The following ABCC1 variants were observed in gnomAD, a reference collection of about 807,000 sequenced individuals.
ABCC1 encodes ATP binding cassette subfamily C member 1 (ABCC1 blood group).
In ABCC1, 83 loss-of-function variants were observed where a neutral mutation model predicts 172.9. That is an observed-to-expected ratio of 0.48 (90% CI 0.40 to 0.58). The LOEUF (loss-of-function observed/expected upper bound fraction) is 0.58, where lower values mean the gene tolerates loss of function less well. Ranked by LOEUF, ABCC1 falls within the 20% of genes least tolerant of loss-of-function variation. ABCC1 has a pLI of 0.00. For synonymous variants in ABCC1, 937 were observed against 825.2 expected, an observed-to-expected ratio of 1.14 and a Z score of -2.32; for missense variants, 1,817 against 2,002.7, an observed-to-expected ratio of 0.91 and a Z score of 1.77.
At chr16:16,032,339 T>C (rs1363955456) in intron 5 of ABCC1, among the ~76,000 whole-genome samples, 1 of 152,160 alleles carries the variant, frequency 6.6e-6, no homozygotes, top group Non-Finnish European at 1.5e-5. Flanking sequence ...AGGATGAAGA[T>C]TAAATAAGGT....
At position 16,016,616 on chromosome 16, in the gene ABCC1, G is replaced by A. The variant is rs749904367; in HGVS notation, c.610G>A (p.Asp204Asn). Residue 204 changes from aspartate (D) to asparagine (N), a missense_variant, in exon 5 of 31, where the codon GAC (aspartate) becomes AAC (asparagine). Coordinates refer to ENST00000399410, the MANE Select transcript of ABCC1 (RefSeq NM_004996.4). ...RSPLFSETIH[D>N]PNPCPESSAS... ...ACCCCTGTTCTCGGAAACCATCCACGACCCTGTAAGTGTGACCACAGATGA... is the reference window on the plus strand; with the variant it reads ...ACCCCTGTTCTCGGAAACCATCCACAACCCTGTAAGTGTGACCACAGATGA... 2 of 1,614,096 alleles carry A rather than the reference G, an allele frequency of 1.2e-6. No homozygotes were observed. Among genetic ancestry groups the A allele is most frequent in the South Asian group, 2.2e-5 (2 of 91,080 alleles).
Position 16,069,596 on chromosome 16 carries a change from G to A in ABCC1, c.1824+1294G>A, listed in dbSNP as rs9938317. 5.3e-3 allele frequency among the ~76,000 whole-genome samples: 799 copies of A among 151,894 alleles called. 8 individuals are homozygous for A. The highest frequency in any genetic ancestry group is 0.019 in the African/African-American group (767 of 41,400). ...TTTTAACTACATAGGCAAATCAACC[G>A]TAAAATTTGGTAGTACAAGGCTGAT... On this transcript the variant is annotated intron_variant, in intron 13 of 30. Transcript: ENST00000399410.
chr16:16,071,792 C>T, intron 14 of ABCC1, 63 bp downstream of exon 14: 1 of 1,432,302 alleles, frequency 7.0e-7, no homozygotes, highest in Non-Finnish European at 9.7e-7. Flanking sequence ...ACTGGGTCCT[C>T]CCTACTTGCA....
chr16:16,071,868 A>G, intron 14 of ABCC1, 139 bp downstream of exon 14: 1 of 755,808 alleles, frequency 1.3e-6, no homozygotes, highest in Admixed American at 2.3e-5. Context: ...ACCCCGGGGG[A>G]CAAGGGTTCT....
intron 23 of ABCC1, among the ~76,000 whole-genome samples, chr16:16,118,444 T>TC (rs59904717): frequency 1.1e-4 from 15 of 132,664 alleles, no homozygotes; most frequent in Non-Finnish European, 2.1e-4. Flanking sequence ...TTTTTTTTTT[T>TC]CCCCTGCATT....
chr16:16,098,284 T>G (rs905734363), intron 19 of ABCC1: 3 of 158,594 alleles, frequency 1.9e-5, no homozygotes, highest in Non-Finnish European at 4.2e-5. Flanking sequence ...GACTGAAGGT[T>G]GGTCTGCATT....
chr16:16,015,995 TC>T (rs2047978855), intron 4 of ABCC1, among the ~76,000 whole-genome samples: 1 of 151,922 alleles, frequency 6.6e-6, no homozygotes, highest in African/African-American at 2.4e-5. Flanking sequence ...AGCCCTGTCT[TC>T]CTCCCATCAG....
chr16:16,077,499 C>A (rs140852378), intron 15 of ABCC1, among the ~76,000 whole-genome samples: 20 of 152,082 alleles, frequency 1.3e-4, no homozygotes, highest in African/African-American at 4.6e-4. Context: ...TTCTCTAACC[C>A]TTTTCTCTCA....
intron 9 of ABCC1, among the ~76,000 whole-genome samples, chr16:16,047,837 TC>T (rs2049276963): frequency 2.8e-5 from 1 of 35,546 alleles, no homozygotes; most frequent in African/African-American, 1.1e-4. Context: ...CCCCCACCAC[TC>T]CCCCCAGAAA....
At chr16:15,971,300 T>C (rs1013578477) in intron 1 of ABCC1, among the ~76,000 whole-genome samples, 1 of 152,026 alleles carries the variant, frequency 6.6e-6, no homozygotes, top group Admixed American at 6.6e-5. Flanking sequence ...ATCTGCACAC[T>C]TGGGGAGGTG....
At chr16:16,106,594 A>C in intron 20 of ABCC1, 144 bp from the exon 21 acceptor site, 2 of 869,914 alleles carry the variant, frequency 2.3e-6, no homozygotes, top group Non-Finnish European at 3.5e-6. Context: ...GCATATATTC[A>C]TATATATGTT....
At chr16:16,118,246 T>C (rs953498623) in intron 23 of ABCC1, among the ~76,000 whole-genome samples, 3 of 152,030 alleles carry the variant, frequency 2.0e-5, no homozygotes, top group African/African-American at 7.2e-5. Flanking sequence ...GCTCACCATA[T>C]CTCAAACCAC....
intron 4 of ABCC1, among the ~76,000 whole-genome samples, chr16:16,016,038 G>A (rs1453546582): frequency 6.6e-6 from 1 of 152,116 alleles, no homozygotes; most frequent in Admixed American, 6.5e-5. Context: ...ACCCGTGATG[G>A]AGCCGGCTTT....
intron 1 of ABCC1, among the ~76,000 whole-genome samples, chr16:15,973,132 A>C (rs554495820): frequency 5.3e-5 from 8 of 152,128 alleles, no homozygotes; most frequent in South Asian, 2.1e-4. Context: ...TTTAAGCCTT[A>C]ACAAAGTTAT....
chr16:16,086,493 C>T (rs1237157907), intron 17 of ABCC1, among the ~76,000 whole-genome samples: 1 of 152,176 alleles, frequency 6.6e-6, no homozygotes. Context: ...CTCATTCTGT[C>T]GCCCAGGCTG....
intron 19 of ABCC1, among the ~76,000 whole-genome samples, chr16:16,095,584 G>C (rs1036291231): frequency 6.6e-6 from 1 of 152,202 alleles, no homozygotes. Context: ...AAGAAACCCT[G>C]TGTGCTCCGA....
intron 20 of ABCC1, among the ~76,000 whole-genome samples, chr16:16,105,694 A>G (rs1466485396): frequency 1.3e-5 from 2 of 149,768 alleles, no homozygotes; most frequent in Non-Finnish European, 1.5e-5. Context: ...TGGTCTCCAT[A>G]ATTTCTTTTC....
At chr16:16,008,213 T>C (rs924986155) in intron 2 of ABCC1, among the ~76,000 whole-genome samples, 7 of 152,094 alleles carry the variant, frequency 4.6e-5, no homozygotes, top group African/African-American at 1.7e-4. Flanking sequence ...AGCAAATTTT[T>C]TAACCTCCCC....
intron 8 of ABCC1, among the ~76,000 whole-genome samples, chr16:16,045,078 G>A (rs373348353): frequency 6.6e-6 from 1 of 152,120 alleles, no homozygotes; most frequent in African/African-American, 2.4e-5. Flanking sequence ...GAAACCAAGA[G>A]CAAGGAAATG....
Sources: gnomAD v4.1 joint callset for allele counts (sites outside exome capture counted in the v4.1 genomes callset) on GRCh38, gnomAD v4.1.1 for gene constraint, MANE v1.5 for transcripts, NCBI Gene and HGNC (gene_info 2026-07-23, HGNC 2026-07-21) for gene names.